LIMS2: variants seen among roughly 807,000 people sequenced by gnomAD.
The protein encoded by LIMS2 is LIM and senescent cell antigen-like-containing domain protein 2.
Under a neutral mutation model 45.3 loss-of-function variants are expected in LIMS2, and 30 were observed. That is an observed-to-expected ratio of 0.66 (90% CI 0.50 to 0.90). LIMS2 has a LOEUF of 0.90. LIMS2 is among the 40% of genes least tolerant of loss of function. The pLI is 0.00. For missense variants in LIMS2, 485 were observed against 468.7 expected, an observed-to-expected ratio of 1.03 and a Z score of -0.32; for synonymous variants, 173 against 188.0, an observed-to-expected ratio of 0.92 and a Z score of 0.65.
Position 127,654,525 on chromosome 2 carries a change from G to A in LIMS2, c.258C>T (p.Arg86=), listed in dbSNP as rs147756889. 8.7e-6 allele frequency: 14 copies of A among 1,614,112 alleles called. No homozygotes were observed. The highest frequency in any genetic ancestry group is 2.2e-5 in the South Asian group (2 of 91,084). The change falls in exon 4 of 10, where the codon CGC becomes CGT. Residue 86 remains arginine, a synonymous_variant. Transcript: ENST00000355119. ...CGSCGEFIIG[R]VIKAMNNNWH... Reference sequence around the variant, plus strand: ...AGTTGTTGTTCATGGCCTTGATGACGCGGCCAATGATGAACTCACCTGGAA... The same window carrying A: ...AGTTGTTGTTCATGGCCTTGATGACACGGCCAATGATGAACTCACCTGGAA...
intron 9 of LIMS2, 49 bp from the exon 10 acceptor site, chr2:127,639,477 A>G (rs943930752): frequency 1.2e-6 from 2 of 1,600,852 alleles, no homozygotes; most frequent in Non-Finnish European, 1.7e-6. Context: ...CACCCCTTTA[A>G]CCCCAGACAG....
intron 1 of LIMS2, among the ~76,000 whole-genome samples, chr2:127,668,058 A>T (rs1573844295): frequency 6.6e-6 from 1 of 152,250 alleles, no homozygotes; most frequent in African/African-American, 2.4e-5. Context: ...GAAATAAAAC[A>T]ACCCCATTTG....
At chr2:127,673,774 C>G in intron 1 of LIMS2, 1 of 1,547,690 alleles carries the variant, frequency 6.5e-7, no homozygotes, top group South Asian at 1.2e-5. Context: ...AACCAGCCAG[C>G]TGGCAGGGAT....
At chr2:127,677,666 G>T (rs1015622382), upstream of LIMS2, among the ~76,000 whole-genome samples, 26 of 152,194 alleles carry the variant, frequency 1.7e-4, no homozygotes, top group African/African-American at 6.3e-4. This position sits in a 1 kb window ranked among gnomAD's most constrained non-coding sequence, Gnocchi z 5.0. Context: ...CACAGCAGAA[G>T]TAGGATTCCA....
At position 127,664,035 on chromosome 2, in the gene LIMS2, T is replaced by C. The variant is rs1312823886; in HGVS notation, c.12-6473A>G. On this transcript the variant is annotated intron_variant, in intron 1 of 9. Transcript: ENST00000355119. The surrounding 1 kb of genome is among the most constrained non-coding windows in gnomAD (Gnocchi z 5.5). The stretch of plus-strand genomic sequence containing the variant: ...AAAGTGCAGCATGATCACCCCCGTC[T>C]GAAAGCAGTGCTGGGGGCTACACAG... Among the ~76,000 whole-genome samples the C allele has an allele frequency of 6.6e-6, 1 of 152,204 alleles. No individual in the cohort carries two copies. The highest frequency in any genetic ancestry group is 1.5e-5 in the Non-Finnish European group (1 of 68,030).
intron 1 of LIMS2, among the ~76,000 whole-genome samples, chr2:127,668,312 C>T (rs910785199): frequency 6.6e-6 from 1 of 151,878 alleles, no homozygotes; most frequent in Non-Finnish European, 1.5e-5. Flanking sequence ...AAGAAATAGA[C>T]AAGGCATTCC....
intron 1 of LIMS2, among the ~76,000 whole-genome samples, chr2:127,663,628 C>T (rs1215696908): frequency 6.6e-6 from 1 of 151,286 alleles, no homozygotes; most frequent in African/African-American, 2.4e-5. Flanking sequence ...CCCTCCCTGC[C>T]CCCCCGCCCC....
At chr2:127,666,151 C>T (rs939820349) in intron 1 of LIMS2, among the ~76,000 whole-genome samples, 2 of 152,166 alleles carry the variant, frequency 1.3e-5, no homozygotes, top group Admixed American at 1.3e-4. Context: ...TACACCATGA[C>T]CAAATGGGAT....
intron 1 of LIMS2, among the ~76,000 whole-genome samples, chr2:127,661,228 G>C (rs1450164018): frequency 6.6e-6 from 1 of 152,244 alleles, no homozygotes; most frequent in Non-Finnish European, 1.5e-5. Context: ...CCTGGAGAGA[G>C]ATGCTCGCTT....
At chr2:127,651,420 C>G (rs1683773523) in intron 4 of LIMS2, 3 of 1,612,820 alleles carry the variant, frequency 1.9e-6, no homozygotes, top group Non-Finnish European at 2.5e-6. Flanking sequence ...GGAGAAGCGC[C>G]TCAAGACCAA....
intron 1 of LIMS2, among the ~76,000 whole-genome samples, chr2:127,657,921 A>C (rs998015540): frequency 1.1e-4 from 16 of 152,186 alleles, no homozygotes; most frequent in Admixed American, 2.0e-4. Context: ...CAGAAAAGGG[A>C]CCTAAGCCTC....
At chr2:127,674,556 T>C (rs1054952161) in intron 1 of LIMS2, 7 of 893,374 alleles carry the variant, frequency 7.8e-6, no homozygotes, top group Non-Finnish European at 9.4e-6. Flanking sequence ...CTTCAACATT[T>C]TTAACATTTT....
chr2:127,644,234 G>A, intron 4 of LIMS2: 1 of 391,356 alleles, frequency 2.6e-6, no homozygotes, highest in East Asian at 7.7e-5. Flanking sequence ...GACCCTATGT[G>A]CCCAGCAGGG....
Position 127,657,485 on chromosome 2 carries a change from T to C in LIMS2, c.89A>G (p.Asn30Ser), listed in dbSNP as rs753914287. The C allele has an allele frequency of 8.7e-6, 14 of 1,613,680 alleles. No individual in the cohort carries two copies. In the South Asian group the frequency reaches 1.5e-4, roughly 18 times the overall value. Residue 30 changes from asparagine to serine, a missense_variant, in exon 2 of 10, where the codon AAC becomes AGC. Asn to Ser is a conservative substitution (Grantham distance 46, BLOSUM62 1). Transcript: ENST00000355119. ...ARFSPAERIV[N>S]SNGELYHEHC... ...CTCATGGTACAGCTCCCCATTGCTG[T>C]TGACAATGCGCTCGGCGGGGGAGAA...
At chr2:127,659,788 A>G (rs1201695379) in intron 1 of LIMS2, among the ~76,000 whole-genome samples, 1 of 152,172 alleles carries the variant, frequency 6.6e-6, no homozygotes, top group Non-Finnish European at 1.5e-5. Context: ...GAGTGAGCAC[A>G]CATCCCTCGC....
At position 127,654,794 on chromosome 2, in the gene LIMS2, C is replaced by T. The variant is rs72960592; in HGVS notation, c.238+36G>A. The T allele has an allele frequency of 2.4e-3, 3,871 of 1,607,336 alleles. 87 individuals are homozygous for T. In the African/African-American group the frequency reaches 0.043, roughly 18 times the overall value. On this transcript the variant is annotated intron_variant, in intron 3 of 9. Coordinates refer to ENST00000355119, the MANE Select transcript of LIMS2 (RefSeq NM_001161403.3). ...CCCCCCGCCACTGCTGCCCACTTCC[C>T]AGGCAGCCCAGGATGTGTACTGTCA...
chr2:127,671,933 C>T lies in LIMS2; in HGVS notation c.11+3081G>A, dbSNP rs1295257330. 6.6e-6 allele frequency among the ~76,000 whole-genome samples: 1 copy of T among 152,164 alleles called. No individual in the cohort carries two copies. The highest frequency in any genetic ancestry group is 1.5e-5 in the Non-Finnish European group (1 of 68,028). On this transcript the variant is annotated intron_variant, in intron 1 of 9. Transcript: ENST00000355119. The surrounding 1 kb of genome is among the most constrained non-coding windows in gnomAD (Gnocchi z 4.1). Reference sequence around the variant, plus strand: ...CAGTCAGCTGCCCCTTGGCCGACACCTTCTGCCTAGGGGACCACCGGGCAC... The same window carrying T: ...CAGTCAGCTGCCCCTTGGCCGACACTTTCTGCCTAGGGGACCACCGGGCAC...
chr2:127,644,013 G>A (rs746270191), intron 4 of LIMS2: 3 of 455,826 alleles, frequency 6.6e-6, no homozygotes, highest in Non-Finnish European at 1.3e-5. Context: ...GGTTATGGTG[G>A]GCAGACCCCA....
rs904380001 is a variant in LIMS2 at position 127,655,070 on chromosome 2, T to G, written c.172-174A>C. 7.9e-5 allele frequency: 54 copies of G among 685,496 alleles called. 1 individual carries two copies. The highest frequency in any genetic ancestry group is 3.9e-4 in the South Asian group (23 of 59,514). The allele number at this position is 685,496 out of a possible 1,614,324, so 42.5% of individuals were successfully genotyped here. On this transcript the variant is annotated intron_variant, in intron 2 of 9. Coordinates refer to ENST00000355119, the MANE Select transcript of LIMS2 (RefSeq NM_001161403.3). Reference sequence around the variant, plus strand: ...CCTGGCCAGAGAGGACACTGGCCCTTTTGGGATGGTGGGGTGCAAAGGGAG... The same window carrying G: ...CCTGGCCAGAGAGGACACTGGCCCTGTTGGGATGGTGGGGTGCAAAGGGAG...
Sources: allele counts gnomAD v4.1 joint callset (sites outside exome capture counted in the v4.1 genomes callset), GRCh38; gene constraint gnomAD v4.1.1; non-coding constraint Gnocchi (gnomAD v3.1); transcripts MANE v1.5; gene names NCBI Gene and HGNC (gene_info 2026-07-23, HGNC 2026-07-21).